CUBN: variants seen among roughly 807,000 people sequenced by gnomAD.
CUBN encodes the protein 460 kDa receptor.
In CUBN, 282 loss-of-function variants were observed where a neutral mutation model predicts 405.3. The ratio of observed to expected loss-of-function variants is 0.70; its 90% CI spans 0.63 to 0.77. CUBN has a LOEUF of 0.77. CUBN is among the 30% of genes least tolerant of loss of function. The pLI, the probability that CUBN is intolerant of heterozygous loss-of-function variation, is 0.00. For missense variants in CUBN, 4,514 were observed against 4,475.2 expected (o/e 1.01, Z -0.25); for synonymous variants, 1,684 against 1,617.0 (o/e 1.04, Z -0.99).
At chr10:16,839,067 T>A (rs1278447821) in intron 62 of CUBN, among the ~76,000 whole-genome samples, 2 of 152,136 alleles carry the variant, frequency 1.3e-5, no homozygotes. Flanking sequence ...TATACATAAA[T>A]CCCACTAACT....
chr10:16,956,763 CTATT>C (rs1363651273), intron 31 of CUBN, among the ~76,000 whole-genome samples: 1 of 152,092 alleles, frequency 6.6e-6, no homozygotes, highest in Non-Finnish European at 1.5e-5. Flanking sequence ...AAGGCACAGA[CTATT>C]TACTTCTCTC....
chr10:16,915,678 G>T (rs575203731), intron 46 of CUBN, 143 bp downstream of exon 46: 2 of 754,310 alleles, frequency 2.7e-6, no homozygotes, highest in African/African-American at 1.7e-5. Context: ...AGAATCACCA[G>T]TACTGCCCAA....
chr10:17,067,505 A>C lies in CUBN; in HGVS notation c.3008+559T>G, dbSNP rs530310502. Among the ~76,000 whole-genome samples, 521 of 152,280 alleles carry C rather than the reference A, an allele frequency of 3.4e-3. 6 individuals are homozygous for C. The highest frequency in any genetic ancestry group is 4.6e-3 in the Non-Finnish European group (316 of 67,986). Reference sequence around the variant, plus strand: ...AGGCTTGAAATCAAACAGACTATCAAGAGAGTTGTAGAACAATTTCAAGTG... The same window carrying C: ...AGGCTTGAAATCAAACAGACTATCACGAGAGTTGTAGAACAATTTCAAGTG... On this transcript the variant is annotated intron_variant, in intron 21 of 66. Coordinates refer to ENST00000377833, the MANE Select transcript of CUBN (RefSeq NM_001081.4).
At chr10:16,950,183 G>A (rs917681574) in intron 33 of CUBN, 72 bp from the exon 34 acceptor site, 7 of 992,174 alleles carry the variant, frequency 7.1e-6, no homozygotes, top group South Asian at 1.4e-5. Context: ...GGGGCAAGAC[G>A]GGGAGGTGGG....
chr10:16,910,304 G>C (rs1303180206), intron 48 of CUBN, among the ~76,000 whole-genome samples: 1 of 148,054 alleles, frequency 6.8e-6, no homozygotes, highest in African/African-American at 2.5e-5. Flanking sequence ...TCCTCTTTTC[G>C]GCAAGTTCTC....
At chr10:17,110,811 C>G in intron 9 of CUBN, 108 bp downstream of exon 9, 1 of 1,527,166 alleles carries the variant, frequency 6.5e-7, no homozygotes, top group Non-Finnish European at 9.0e-7. Flanking sequence ...GCATGAGCAA[C>G]TGCACTCAGC....
At chr10:17,043,488 G>T (rs1478780036) in intron 26 of CUBN, among the ~76,000 whole-genome samples, 6 of 152,128 alleles carry the variant, frequency 3.9e-5, no homozygotes, top group Non-Finnish European at 5.9e-5. Flanking sequence ...CATTAGTCTG[G>T]TACACTGATC....
chr10:16,970,576 C>CA (rs1213142589), intron 31 of CUBN, among the ~76,000 whole-genome samples: 38,885 of 121,376 alleles, frequency 0.32, 5,805 homozygotes, highest in Middle Eastern at 0.33. Context: ...AACTCCATCT[C>CA]AAAAAAAAAA....
chr10:16,834,743 CAGTT>C (rs1486661722), intron 64 of CUBN, among the ~76,000 whole-genome samples: 2 of 152,152 alleles, frequency 1.3e-5, no homozygotes, highest in Non-Finnish European at 2.9e-5. Context: ...ATGCTGGACT[CAGTT>C]AGTCCTTTCC....
At chr10:16,962,143 T>A (rs1843243780) in intron 31 of CUBN, among the ~76,000 whole-genome samples, 1 of 152,224 alleles carries the variant, frequency 6.6e-6, no homozygotes, top group African/African-American at 2.4e-5. Context: ...GTTGCTAAAT[T>A]TCTTAATCTG....
intron 53 of CUBN, among the ~76,000 whole-genome samples, chr10:16,899,428 C>A (rs1841291576): frequency 6.6e-6 from 1 of 152,186 alleles, no homozygotes; most frequent in South Asian, 2.1e-4. Flanking sequence ...GAACACTAAT[C>A]CGTGCCATAG....
chr10:16,955,668 A>G (rs984569345), intron 31 of CUBN, among the ~76,000 whole-genome samples: 2 of 152,202 alleles, frequency 1.3e-5, no homozygotes, highest in Non-Finnish European at 2.9e-5. Context: ...CCCATTCATT[A>G]GTGCTTACTA....
At chr10:16,875,934 A>C (rs868863607) in intron 57 of CUBN, among the ~76,000 whole-genome samples, 1 of 152,192 alleles carries the variant, frequency 6.6e-6, no homozygotes, top group African/African-American at 2.4e-5. Flanking sequence ...GGAAACGTTA[A>C]TTGCGTGGTT....
intron 31 of CUBN, among the ~76,000 whole-genome samples, chr10:16,970,898 G>C (rs1365908832): frequency 6.6e-6 from 1 of 151,972 alleles, no homozygotes; most frequent in Non-Finnish European, 1.5e-5. Flanking sequence ...CGAACTCTAA[G>C]CTTTCTTCTT....
At position 16,947,199 on chromosome 10, in the gene CUBN, T is replaced by C. The variant is rs201654369; in HGVS notation, c.5342+36A>G. The C allele has an allele frequency of 1.1e-4, 173 of 1,610,566 alleles. No homozygotes were observed. In the African/African-American group the frequency reaches 1.8e-3, roughly 17 times the overall value. On this transcript the variant is annotated intron_variant, in intron 36 of 66. Coordinates refer to ENST00000377833, the MANE Select transcript of CUBN (RefSeq NM_001081.4). ...CAGAACTTCTTTCCTACAGATTCAT[T>C]AGCACTGAAACAATACACCATAAAA...
intron 31 of CUBN, among the ~76,000 whole-genome samples, chr10:16,975,624 C>CTTTTTTTTTTTTTTTTTTT (rs199779818): frequency 8.0e-6 from 1 of 124,308 alleles, no homozygotes; most frequent in Non-Finnish European, 1.6e-5. Flanking sequence ...TAAAGACCTT[C>CTTTTTTTTTTTTTTTTTTT]TTTTTTTTTT....
intron 51 of CUBN, among the ~76,000 whole-genome samples, chr10:16,902,143 T>C (rs1841407518): frequency 2.2e-5 from 3 of 136,294 alleles, no homozygotes; most frequent in Admixed American, 8.0e-5. Flanking sequence ...ACACTATATA[T>C]AGTATATATA....
Position 16,960,743 on chromosome 10 carries a change from C to CA in CUBN, c.4696-6196dup, listed in dbSNP as rs200897729. 6.0e-3 allele frequency among the ~76,000 whole-genome samples: 908 copies of CA among 152,264 alleles called. 7 individuals are homozygous for CA. Among genetic ancestry groups the CA allele is most frequent in the African/African-American group, 0.021 (873 of 41,560 alleles). On this transcript the variant is annotated intron_variant, in intron 31 of 66. Coordinates refer to ENST00000377833, the MANE Select transcript of CUBN (RefSeq NM_001081.4). Reference sequence around the variant, plus strand: ...CAATGCTGTAAACACATAGTAGACACAATTGTGGGTAAGAGGTTAGTCACA... The same window carrying CA: ...CAATGCTGTAAACACATAGTAGACACAAATTGTGGGTAAGAGGTTAGTCACA...
At chr10:17,097,511 T>C (rs1836400602) in intron 14 of CUBN, among the ~76,000 whole-genome samples, 1 of 152,136 alleles carries the variant, frequency 6.6e-6, no homozygotes, top group Non-Finnish European at 1.5e-5. Context: ...TTCCAGAGAA[T>C]ATAAAAAGAG....
Sources: allele counts gnomAD v4.1 joint callset (sites outside exome capture counted in the v4.1 genomes callset), GRCh38; gene constraint gnomAD v4.1.1; transcripts MANE v1.5; gene names NCBI Gene and HGNC (gene_info 2026-07-23, HGNC 2026-07-21).